The following ROBO2 variants were observed in gnomAD, a reference collection of about 807,000 sequenced individuals.
The protein encoded by ROBO2 is roundabout homolog 2.
In ROBO2, 53 loss-of-function variants were observed where a neutral mutation model predicts 160.8. The ratio of observed to expected loss-of-function variants is 0.33; its 90% CI spans 0.26 to 0.41. ROBO2 has a LOEUF of 0.41. Among genes scored for constraint, ROBO2 ranks in the 10% least tolerant of loss-of-function variants. ROBO2 has a pLI of 1.00. For synonymous variants in ROBO2, 664 were observed against 611.7 expected (o/e 1.09, Z -1.26); for missense variants, 1,577 against 1,722.4 (o/e 0.92, Z 1.49).
chr3:76,986,290 A>G (rs925252616), intron 2 of ROBO2, among the ~76,000 whole-genome samples: 3 of 152,110 alleles, frequency 2.0e-5, no homozygotes, highest in Non-Finnish European at 2.9e-5. Flanking sequence ...GCTGTTTACT[A>G]TTGATCAAAA....
chr3:77,577,451 G>C (rs760570926), intron 14 of ROBO2, 39 bp from the exon 16 acceptor site: 2 of 1,612,714 alleles, frequency 1.2e-6, no homozygotes, highest in South Asian at 1.1e-5. Flanking sequence ...GCACACCAAG[G>C]CTTATAGTTT....
At chr3:76,587,279 A>G (rs1168202333) in intron 2 of ROBO2, among the ~76,000 whole-genome samples, 1 of 151,974 alleles carries the variant, frequency 6.6e-6, no homozygotes, top group Admixed American at 6.6e-5. Context: ...TTTCCCTTCC[A>G]ATTTACCGGT....
At position 76,923,004 on chromosome 3, in the gene ROBO2, A is replaced by G. The variant is rs907350799; in HGVS notation, c.110-175010A>G. Among the ~76,000 whole-genome samples, 13 of 152,220 alleles carry G rather than the reference A, an allele frequency of 8.5e-5. No individual in the cohort carries two copies. In the East Asian group the frequency reaches 1.2e-3, roughly 14 times the overall value. Reference sequence around the variant, plus strand: ...CGCTCTCAAGAGAACTCAGTGAAATAAAGTTTTGTTTCCTGAAGAACACAG... The same window carrying G: ...CGCTCTCAAGAGAACTCAGTGAAATGAAGTTTTGTTTCCTGAAGAACACAG... On this transcript the variant is annotated intron_variant, in intron 2 of 26. Transcript: ENST00000487694.
At chr3:77,008,407 A>G (rs189671365) in intron 2 of ROBO2, among the ~76,000 whole-genome samples, 4 of 152,306 alleles carry the variant, frequency 2.6e-5, no homozygotes, top group African/African-American at 9.6e-5. Flanking sequence ...TGCTGCCTAT[A>G]TGTATATGAC....
intron 1 of ROBO2, among the ~76,000 whole-genome samples, chr3:77,053,162 G>C (rs2149706310): frequency 6.6e-6 from 1 of 152,228 alleles, no homozygotes; most frequent in Non-Finnish European, 1.5e-5. Context: ...AGTTAGAAAA[G>C]CTTCTGGTTT....
chr3:76,300,665 G>T (rs571785032), intron 2 of ROBO2, among the ~76,000 whole-genome samples: 191 of 151,980 alleles, frequency 1.3e-3, no homozygotes, highest in Non-Finnish European at 2.2e-3. Flanking sequence ...TGTATAAATT[G>T]TACTATTAAG....
At chr3:76,154,520 T>G (rs532251180) in intron 2 of ROBO2, among the ~76,000 whole-genome samples, 7 of 152,230 alleles carry the variant, frequency 4.6e-5, no homozygotes, top group African/African-American at 1.7e-4. Context: ...GAGAAGATTC[T>G]CATTGCCAAT....
intron 2 of ROBO2, among the ~76,000 whole-genome samples, chr3:76,568,839 T>C (rs564040684): frequency 1.3e-5 from 2 of 152,344 alleles, no homozygotes; most frequent in Admixed American, 1.3e-4. Context: ...TTTTACAATA[T>C]GCAGACCCAT....
At chr3:76,453,089 G>A (rs1174566455) in intron 2 of ROBO2, among the ~76,000 whole-genome samples, 2 of 152,114 alleles carry the variant, frequency 1.3e-5, no homozygotes, top group Admixed American at 6.5e-5. Context: ...TTTGTCAGAT[G>A]AGTAGGTTGC....
intron 2 of ROBO2, among the ~76,000 whole-genome samples, chr3:77,410,744 T>TCCTCCTCCTCCTCC (rs1560759245): frequency 6.9e-5 from 2 of 28,938 alleles, no homozygotes; most frequent in Admixed American, 2.6e-4. Flanking sequence ...CCTCCTCCTT[T>TCCTCCTCCTCCTCC]TCCTCCTCCT....
intron 2 of ROBO2, among the ~76,000 whole-genome samples, chr3:76,038,695 A>G (rs1029512212): frequency 1.3e-4 from 19 of 151,866 alleles, no homozygotes; most frequent in Non-Finnish European, 2.5e-4. Flanking sequence ...TCCATAAAAG[A>G]CATCCTTCTT....
chr3:76,144,818 T>A (rs2106790798), intron 2 of ROBO2, among the ~76,000 whole-genome samples: 1 of 152,104 alleles, frequency 6.6e-6, no homozygotes, highest in Non-Finnish European at 1.5e-5. Context: ...ACATACATTT[T>A]CCTGAAAAGA....
intron 2 of ROBO2, among the ~76,000 whole-genome samples, chr3:76,325,579 A>T (rs2072945907): frequency 6.6e-6 from 1 of 152,142 alleles, no homozygotes; most frequent in African/African-American, 2.4e-5. Flanking sequence ...TGTAGCCTGG[A>T]TTATGAATAA....
chr3:77,129,814 C>G (rs2150342634), intron 2 of ROBO2, among the ~76,000 whole-genome samples: 1 of 152,176 alleles, frequency 6.6e-6, no homozygotes, highest in East Asian at 1.9e-4. Flanking sequence ...GGCAGCAGAC[C>G]ACCAAAGAGT....
chr3:77,469,204 A>T (rs539368258), intron 2 of ROBO2, among the ~76,000 whole-genome samples: 1 of 152,340 alleles, frequency 6.6e-6, no homozygotes, highest in South Asian at 2.1e-4. Flanking sequence ...ATATAAAAGG[A>T]AACATACCTA....
chr3:77,225,039 T>C (rs1039646336), intron 2 of ROBO2, among the ~76,000 whole-genome samples: 1 of 151,862 alleles, frequency 6.6e-6, no homozygotes, highest in Non-Finnish European at 1.5e-5. Flanking sequence ...TAGAAAAAAG[T>C]AGCATAATGA....
intron 23 of ROBO2, 69 bp from the exon 25 acceptor site, chr3:77,634,801 A>G (rs1044278283): frequency 1.4e-6 from 2 of 1,462,414 alleles, no homozygotes; most frequent in African/African-American, 2.8e-5. Flanking sequence ...CATAGTGCAG[A>G]AATATAGGAC....
intron 2 of ROBO2, among the ~76,000 whole-genome samples, chr3:76,211,182 C>T (rs1703124367): frequency 6.6e-6 from 1 of 152,110 alleles, no homozygotes; most frequent in Admixed American, 6.6e-5. Context: ...AGGAGCCATA[C>T]TTACCCTTGC....
intron 6 of ROBO2, 83 bp from the exon 8 acceptor site, chr3:77,546,255 A>C (rs2092693726): frequency 6.8e-7 from 1 of 1,462,532 alleles, no homozygotes; most frequent in South Asian, 1.1e-5. Flanking sequence ...TGAACAGTCA[A>C]CATAGTACCA....
Sources: gnomAD v4.1 joint callset for allele counts (sites outside exome capture counted in the v4.1 genomes callset) on GRCh38, gnomAD v4.1.1 for gene constraint, MANE v1.5 for transcripts, NCBI Gene and HGNC (gene_info 2026-07-23, HGNC 2026-07-21) for gene names.